The following MAN1C1 variants were observed in gnomAD, a reference collection of about 807,000 sequenced individuals.
The protein encoded by MAN1C1 is mannosidase alpha class 1C member 1.
A neutral mutation model predicts 71.5 loss-of-function variants in MAN1C1; 49 were observed. The ratio of observed to expected loss-of-function variants is 0.69; its 90% CI spans 0.54 to 0.87. The LOEUF is 0.87. Ranked by LOEUF, MAN1C1 falls within the 40% of genes least tolerant of loss-of-function variation. The probability of loss-of-function intolerance (pLI) is 0.00; values close to 1 mark genes in which losing one functional copy is unlikely to be tolerated. For missense variants in MAN1C1, 743 were observed against 835.0 expected (o/e 0.89, Z 1.36); for synonymous variants, 352 against 343.7 (o/e 1.02, Z -0.27).
At chr1:25,692,969 G>C (rs140247030) in intron 2 of MAN1C1, among the ~76,000 whole-genome samples, 1 of 152,052 alleles carries the variant, frequency 6.6e-6, no homozygotes, top group Admixed American at 6.5e-5. Context: ...AACATCTACA[G>C]TTCACCCTTG....
rs2047510187 is a variant in MAN1C1, at chr1:25,769,171, CCA to C, written c.1142-2481_1142-2480del. On this transcript the variant is annotated intron_variant, in intron 7 of 11. Coordinates refer to ENST00000374332, the MANE Select transcript of MAN1C1 (RefSeq NM_020379.4). This position sits in a 1 kb window ranked among gnomAD's most constrained non-coding sequence, Gnocchi z 4.8. ...CCCTCACACATTCCACACACACACC[CCA>C]CACATTACACACACTCGCCTCATGC... Among the ~76,000 whole-genome samples the C allele has an allele frequency of 6.7e-6, 1 of 150,226 alleles. No individual in the cohort carries two copies. The highest frequency in any genetic ancestry group is 1.5e-5 in the Non-Finnish European group (1 of 67,524).
In MAN1C1 at chr1:25,779,754, G is replaced by A. The variant is rs576346856; in HGVS notation, c.1478-1186G>A. ...CCATTTGAAAAGGTTAGAGAGGCTAGGGTCTAGCTAATTCCTCTTCCCTGA... is the reference window on the plus strand; with the variant it reads ...CCATTTGAAAAGGTTAGAGAGGCTAAGGTCTAGCTAATTCCTCTTCCCTGA... On this transcript the variant is annotated intron_variant, in intron 9 of 11. Coordinates refer to ENST00000374332, the MANE Select transcript of MAN1C1 (RefSeq NM_020379.4). The surrounding 1 kb of genome is among the most constrained non-coding windows in gnomAD (Gnocchi z 4.6). 6.6e-6 allele frequency among the ~76,000 whole-genome samples: 1 copy of A among 152,332 alleles called. No individual in the cohort carries two copies. Among genetic ancestry groups the A allele is most frequent in the Non-Finnish European group, 1.5e-5 (1 of 68,026 alleles).
At chr1:25,758,514 G>A (rs887509194) in intron 5 of MAN1C1, 78 bp from the exon 6 acceptor site, 20 of 1,277,730 alleles carry the variant, frequency 1.6e-5, no homozygotes, top group African/African-American at 8.8e-5. Context: ...TGCCCCCACC[G>A]AGCAGCTGCT....
Position 25,618,102 on chromosome 1 carries a change from C to A in MAN1C1, c.305C>A (p.Pro102His), listed in dbSNP as rs916448055. ...GATGACCCCAGCAGCTGGGCCAGTC[C>A]CCGCCGCAGGAAAGGGGGGCTGCGG... Reference protein sequence around the residue: ...GEDDPSSWASPRRRKGGLRRT... With the variant: ...GEDDPSSWASHRRRKGGLRRT... Residue 102 changes from proline to histidine, a missense_variant, in exon 1 of 12, where the codon CCC (proline) becomes CAC (histidine). Physicochemically the swap from Pro to His is moderately conservative, Grantham distance 77. Coordinates refer to ENST00000374332, the MANE Select transcript of MAN1C1 (RefSeq NM_020379.4). 6.6e-7 allele frequency: 1 copy of A among 1,513,244 alleles called. No homozygotes were observed. Among genetic ancestry groups the A allele is most frequent in the Non-Finnish European group, 8.8e-7 (1 of 1,138,602 alleles). 93.7% of individuals were successfully genotyped at this position (1,513,244 alleles called of 1,614,324 possible).
intron 1 of MAN1C1, among the ~76,000 whole-genome samples, chr1:25,652,319 G>A (rs770629010): frequency 5.3e-5 from 8 of 152,230 alleles, no homozygotes; most frequent in Non-Finnish European, 1.2e-4. Flanking sequence ...GAAACAAATG[G>A]CTTCTCCAAG....
At chr1:25,708,322 A>G (rs2046553645) in intron 2 of MAN1C1, among the ~76,000 whole-genome samples, 1 of 152,152 alleles carries the variant, frequency 6.6e-6, no homozygotes, top group Admixed American at 6.5e-5. Flanking sequence ...ATAAATAGTC[A>G]TGGCGCTGGT....
intron 1 of MAN1C1, among the ~76,000 whole-genome samples, chr1:25,683,639 T>C (rs1263162459): frequency 7.4e-6 from 1 of 134,702 alleles, no homozygotes; most frequent in Non-Finnish European, 1.6e-5. Flanking sequence ...TGAAGGAAGA[T>C]GGGCAGTTGG....
intron 2 of MAN1C1, among the ~76,000 whole-genome samples, chr1:25,705,974 T>C (rs1204902923): frequency 6.6e-6 from 1 of 152,224 alleles, no homozygotes; most frequent in Non-Finnish European, 1.5e-5. Context: ...ATCTATTGAA[T>C]CTTACACATG....
At chr1:25,780,573 C>T (rs1377968116) in intron 9 of MAN1C1, 2 of 177,560 alleles carry the variant, frequency 1.1e-5, no homozygotes, top group Non-Finnish European at 2.4e-5. Flanking sequence ...TGTTGAAACC[C>T]GAAACCCTCT....
In MAN1C1 at chr1:25,779,444, C is replaced by T. The variant is rs774527403; in HGVS notation, c.1477+1120C>T. On this transcript the variant is annotated intron_variant, in intron 9 of 11. Transcript: ENST00000374332. The surrounding 1 kb of genome is among the most constrained non-coding windows in gnomAD (Gnocchi z 4.6). Reference sequence around the variant, plus strand: ...GAATGGGGTCTCCTGGAGCTGTTTCCAGGAAGTCAGAGATTCGCAATGGGT... The same window carrying T: ...GAATGGGGTCTCCTGGAGCTGTTTCTAGGAAGTCAGAGATTCGCAATGGGT... Among the ~76,000 whole-genome samples, 3 of 152,142 alleles carry T rather than the reference C, an allele frequency of 2.0e-5. No homozygotes were observed. The highest frequency in any genetic ancestry group is 2.9e-5 in the Non-Finnish European group (2 of 68,028).
At chr1:25,675,230 C>T (rs1157798504) in intron 1 of MAN1C1, among the ~76,000 whole-genome samples, 1 of 152,094 alleles carries the variant, frequency 6.6e-6, no homozygotes, top group Non-Finnish European at 1.5e-5. Context: ...ATCCCTCAAC[C>T]CCTGCAGTCT....
intron 1 of MAN1C1, among the ~76,000 whole-genome samples, chr1:25,682,922 C>G (rs1370305268): frequency 6.6e-6 from 1 of 151,844 alleles, no homozygotes; most frequent in East Asian, 1.9e-4. Context: ...TCTGTAATCC[C>G]GGCTACTCGG....
At chr1:25,656,929 C>T (rs929288691) in intron 1 of MAN1C1, among the ~76,000 whole-genome samples, 40 of 152,086 alleles carry the variant, frequency 2.6e-4, no homozygotes, top group African/African-American at 8.7e-4. Context: ...GGGTTCACAC[C>T]GTTCTCCCGC....
intron 2 of MAN1C1, among the ~76,000 whole-genome samples, chr1:25,733,314 G>T (rs2046935746): frequency 6.6e-6 from 1 of 152,158 alleles, no homozygotes; most frequent in Admixed American, 6.5e-5. Context: ...GTCAGATCCA[G>T]TTCCTAAGCC....
intron 1 of MAN1C1, among the ~76,000 whole-genome samples, chr1:25,663,522 GTC>G (rs1285430406): frequency 6.6e-6 from 1 of 152,156 alleles, no homozygotes; most frequent in Admixed American, 6.5e-5. Context: ...TGTGAATGTG[GTC>G]TCTCTTGCTC....
At position 25,617,552 on chromosome 1, in the gene MAN1C1, A is replaced by G; in HGVS notation, c.-246A>G. On this transcript the variant is annotated 5_prime_UTR_variant, in exon 1 of 12. Transcript: ENST00000374332. The surrounding 1 kb of genome is among the most constrained non-coding windows in gnomAD (Gnocchi z 5.1). ...GCCGGTCGCTGCGGGCCCGGGCCCCAAGCCGTGCCGCTCCGCTCGCCCGGG... is the reference window on the plus strand; with the variant it reads ...GCCGGTCGCTGCGGGCCCGGGCCCCGAGCCGTGCCGCTCCGCTCGCCCGGG... 4.7e-6 allele frequency: 1 copy of G among 214,398 alleles called. No individual in the cohort carries two copies. Among genetic ancestry groups the G allele is most frequent in the South Asian group, 1.0e-4 (1 of 9,948 alleles). 13.3% of individuals were successfully genotyped at this position (214,398 alleles called of 1,614,324 possible). A position where few individuals can be genotyped will look rare whatever the true frequency, so the allele number is the denominator to read the frequency against.
At chr1:25,619,616 G>C (rs928583208) in intron 1 of MAN1C1, among the ~76,000 whole-genome samples, 1 of 152,178 alleles carries the variant, frequency 6.6e-6, no homozygotes, top group Non-Finnish European at 1.5e-5. Flanking sequence ...GGAAGCCACA[G>C]GGAAACTGAG....
chr1:25,733,513 C>T (rs1406459630), intron 2 of MAN1C1, among the ~76,000 whole-genome samples: 1 of 152,148 alleles, frequency 6.6e-6, no homozygotes, highest in African/African-American at 2.4e-5. Context: ...TGCCCGAACG[C>T]TGCCCATCTC....
In MAN1C1 at chr1:25,621,977, G is replaced by A. The variant is rs188970055; in HGVS notation, c.540+3640G>A. Among the ~76,000 whole-genome samples, 835 of 152,272 alleles carry A rather than the reference G, an allele frequency of 5.5e-3. 6 individuals carry two copies. Among genetic ancestry groups the A allele is most frequent in the Non-Finnish European group, 7.6e-3 (520 of 68,014 alleles). ...AACCTCAGTTCCTTCCAGTGAAGGG[G>A]GCTTTTTATAAAAGGGAATTAGGCT... On this transcript the variant is annotated intron_variant, in intron 1 of 11. Coordinates refer to ENST00000374332, the MANE Select transcript of MAN1C1 (RefSeq NM_020379.4).
Sources: allele counts gnomAD v4.1 joint callset (sites outside exome capture counted in the v4.1 genomes callset), GRCh38; gene constraint gnomAD v4.1.1; non-coding constraint Gnocchi (gnomAD v3.1); transcripts MANE v1.5; gene names NCBI Gene and HGNC (gene_info 2026-07-23, HGNC 2026-07-21).